BCAR3: variants seen among roughly 807,000 people sequenced by gnomAD.
BCAR3 encodes BCAR3 adaptor protein, NSP family member, also known as breast cancer anti-estrogen resistance protein 3.
Under a neutral mutation model 80.1 loss-of-function variants are expected in BCAR3, and 37 were observed. The ratio of observed to expected loss-of-function variants is 0.46; its 90% CI spans 0.36 to 0.61. The LOEUF (loss-of-function observed/expected upper bound fraction) is 0.61, where lower values mean the gene tolerates loss of function less well. BCAR3 is among the 20% of genes least tolerant of loss of function. BCAR3 has a pLI of 0.00. For synonymous variants in BCAR3, 389 were observed against 418.9 expected, an observed-to-expected ratio of 0.93 and a Z score of 0.87; for missense variants, 978 against 1,068.2, an observed-to-expected ratio of 0.92 and a Z score of 1.18.
At chr1:93,773,814 T>A (rs116220277) in intron 2 of BCAR3, among the ~76,000 whole-genome samples, 3,704 of 152,168 alleles carry the variant, frequency 0.024, 156 homozygotes, top group African/African-American at 0.084. Flanking sequence ...CTCCTTTTTT[T>A]AAAAATAAAA....
At chr1:93,566,266 C>T (rs1234822274) in intron 11 of BCAR3, among the ~76,000 whole-genome samples, 1 of 152,076 alleles carries the variant, frequency 6.6e-6, no homozygotes. Flanking sequence ...GTGGAATTCC[C>T]AGCCCTGCTT....
At chr1:93,574,772 G>C (rs1673379312) in intron 8 of BCAR3, among the ~76,000 whole-genome samples, 1 of 152,226 alleles carries the variant, frequency 6.6e-6, no homozygotes, top group African/African-American at 2.4e-5. Context: ...CACCCGGAGA[G>C]AGGCTGGAAC....
At chr1:93,785,911 C>CATGCATTTCTGCCTT (rs1418657193) in intron 2 of BCAR3, among the ~76,000 whole-genome samples, 2 of 146,450 alleles carry the variant, frequency 1.4e-5, no homozygotes, top group East Asian at 2.0e-4. Flanking sequence ...ATAAAAGTGC[C>CATGCATTTCTGCCTT]GGCCGGGCGC....
chr1:93,629,034 C>T (rs1477395995), intron 3 of BCAR3, among the ~76,000 whole-genome samples: 1 of 152,174 alleles, frequency 6.6e-6, no homozygotes, highest in East Asian at 1.9e-4. Flanking sequence ...GAGGCCCATA[C>T]GTTTAATATG....
At chr1:93,734,392 T>C (rs912310179) in intron 2 of BCAR3, among the ~76,000 whole-genome samples, 1 of 152,234 alleles carries the variant, frequency 6.6e-6, no homozygotes, top group Non-Finnish European at 1.5e-5. Flanking sequence ...TGGTTGAACC[T>C]GAGGCCTGAG....
intron 2 of BCAR3, among the ~76,000 whole-genome samples, chr1:93,662,990 C>T (rs1647735203): frequency 6.6e-6 from 1 of 152,152 alleles, no homozygotes; most frequent in Non-Finnish European, 1.5e-5. Context: ...ATTTGATGAT[C>T]TCAGTCTCAC....
At chr1:93,658,323 G>A (rs1405877943) in intron 2 of BCAR3, among the ~76,000 whole-genome samples, 1 of 152,076 alleles carries the variant, frequency 6.6e-6, no homozygotes, top group Non-Finnish European at 1.5e-5. Flanking sequence ...TATCAGGACT[G>A]GAAAAGAAAG....
At chr1:93,569,469 C>T (rs1482566838) in intron 9 of BCAR3, among the ~76,000 whole-genome samples, 1 of 152,250 alleles carries the variant, frequency 6.6e-6, no homozygotes, top group Non-Finnish European at 1.5e-5. Context: ...GACCCCTGCT[C>T]CCTACACCCA....
chr1:93,639,290 C>G (rs1001295216), intron 3 of BCAR3, among the ~76,000 whole-genome samples: 1 of 152,154 alleles, frequency 6.6e-6, no homozygotes, highest in Non-Finnish European at 1.5e-5. Context: ...TCTTCCTCCA[C>G]CCAGCTCTCT....
At chr1:93,734,643 C>T (rs1650913521) in intron 2 of BCAR3, among the ~76,000 whole-genome samples, 1 of 152,118 alleles carries the variant, frequency 6.6e-6, no homozygotes, top group Non-Finnish European at 1.5e-5. Flanking sequence ...GCTGTTACTT[C>T]CAGGCGGGGA....
intron 2 of BCAR3, among the ~76,000 whole-genome samples, chr1:93,737,644 A>AC (rs1651022865): frequency 6.6e-6 from 1 of 152,184 alleles, no homozygotes; most frequent in African/African-American, 2.4e-5. Context: ...GTTTTAAGCC[A>AC]CCCAGTCTGT....
intron 2 of BCAR3, among the ~76,000 whole-genome samples, chr1:93,721,997 C>T (rs1033526179): frequency 1.2e-4 from 18 of 152,210 alleles, no homozygotes; most frequent in Non-Finnish European, 2.1e-4. Context: ...TTATTGTCTC[C>T]CCAAATCACA....
intron 2 of BCAR3, among the ~76,000 whole-genome samples, chr1:93,713,287 G>A (rs1338927860): frequency 6.6e-6 from 1 of 152,126 alleles, no homozygotes; most frequent in Non-Finnish European, 1.5e-5. Flanking sequence ...AAGGTAGATG[G>A]GGAGAAAGGC....
At chr1:93,842,012 T>C (rs1654980367) in intron 2 of BCAR3, among the ~76,000 whole-genome samples, 1 of 152,200 alleles carries the variant, frequency 6.6e-6, no homozygotes, top group Admixed American at 6.6e-5. Context: ...AGATAGCCCA[T>C]TTCAAATGCA....
At chr1:93,585,201 G>C in intron 5 of BCAR3, 1 of 985,564 alleles carries the variant, frequency 1.0e-6, no homozygotes, top group Non-Finnish European at 1.2e-6. Context: ...CCCAGGGCAG[G>C]CCACCAGCCA....
intron 2 of BCAR3, among the ~76,000 whole-genome samples, chr1:93,762,707 A>C (rs1477427743): frequency 6.6e-6 from 1 of 152,022 alleles, no homozygotes. Flanking sequence ...TTCTCCTCCC[A>C]TATTGCTTCC....
At chr1:93,576,336 A>AAAAG (rs1673457448) in intron 7 of BCAR3, among the ~76,000 whole-genome samples, 1 of 152,218 alleles carries the variant, frequency 6.6e-6, no homozygotes. Flanking sequence ...ACTTAGGGGG[A>AAAAG]AAAGAAAGAC....
At chr1:93,725,034 C>A (rs1650532202) in intron 2 of BCAR3, among the ~76,000 whole-genome samples, 2 of 152,212 alleles carry the variant, frequency 1.3e-5, no homozygotes, top group Non-Finnish European at 2.9e-5. Flanking sequence ...GTCCCTCTTA[C>A]CTACTTCTCC....
At chr1:93,729,610 C>G (rs1194052285) in intron 2 of BCAR3, among the ~76,000 whole-genome samples, 2 of 152,200 alleles carry the variant, frequency 1.3e-5, no homozygotes, top group Non-Finnish European at 2.9e-5. Flanking sequence ...ACCGGAAGCC[C>G]TGACGCTGGG....
Sources: allele counts gnomAD v4.1 joint callset (sites outside exome capture counted in the v4.1 genomes callset), GRCh38; gene constraint gnomAD v4.1.1; transcripts MANE v1.5; gene names NCBI Gene and HGNC (gene_info 2026-07-23, HGNC 2026-07-21).